The following SUCO variants were observed in gnomAD, a reference collection of about 807,000 sequenced individuals.
SUCO encodes the protein SUN domain-containing ossification factor.
SUCO carries 57 observed loss-of-function variants against 148.1 expected under a neutral mutation model. The observed-to-expected ratio is 0.38, with a 90% CI of 0.31 to 0.48. The LOEUF (loss-of-function observed/expected upper bound fraction) is 0.48, where lower values mean the gene tolerates loss of function less well. Among genes scored for constraint, SUCO ranks in the 20% least tolerant of loss-of-function variants. The probability of loss-of-function intolerance (pLI) is 0.96; values close to 1 mark genes in which losing one functional copy is unlikely to be tolerated. For missense variants in SUCO, 1,331 were observed against 1,468.2 expected (o/e 0.91, Z 1.53); for synonymous variants, 470 against 502.7 (o/e 0.93, Z 0.87).
Position 172,545,917 on chromosome 1 carries a change from C to CTTCCTTTCCT in SUCO, c.63-5576_63-5567dup, listed in dbSNP as rs762712987. Among the ~76,000 whole-genome samples the CTTCCTTTCCT allele has an allele frequency of 8.8e-4, 133 of 151,912 alleles. 1 individual carries two copies. Among genetic ancestry groups the CTTCCTTTCCT allele is most frequent in the African/African-American group, 3.0e-3 (126 of 41,392 alleles). On this transcript the variant is annotated intron_variant, in intron 1 of 23. Coordinates refer to ENST00000263688, the MANE Select transcript of SUCO (RefSeq NM_014283.5). Reference sequence around the variant, plus strand: ...CTGTCCGTCCGTCCGTCCTTCCTTCCTTCCTTTCCTTTCCTTTCCTTTCCT... The same window carrying CTTCCTTTCCT: ...CTGTCCGTCCGTCCGTCCTTCCTTCCTTCCTTTCCTTTCCTTTCCTTTCCTTTCCTTTCCT...
Position 172,600,110 on chromosome 1 carries a change from C to T in SUCO, c.2960C>T (p.Thr987Ile). ...EAIQLLQAQLTNMTQLVSNLS... is the reference protein window; with the variant it reads ...EAIQLLQAQLINMTQLVSNLS... ...ATCCAGTTGCTACAGGCACAGCTGA[C>T]CAACATGACACAGCTTGTTTCAAAT... Residue 987 changes from threonine to isoleucine, a missense_variant, in exon 20 of 24, where the codon ACC becomes ATC. Thr to Ile is a moderately conservative substitution (Grantham distance 89, BLOSUM62 -1). Coordinates refer to ENST00000263688, the MANE Select transcript of SUCO (RefSeq NM_014283.5). 1 of 1,610,756 alleles carries T rather than the reference C, an allele frequency of 6.2e-7. No homozygotes were observed. Among genetic ancestry groups the T allele is most frequent in the Non-Finnish European group, 8.5e-7 (1 of 1,179,406 alleles).
intron 15 of SUCO, among the ~76,000 whole-genome samples, chr1:172,583,040 CTG>C (rs1220641419): frequency 6.6e-6 from 1 of 152,050 alleles, no homozygotes; most frequent in Non-Finnish European, 1.5e-5. Flanking sequence ...AGTATATAAA[CTG>C]TTGATTGCAC....
At chr1:172,571,529 G>A (rs1053461161) in intron 9 of SUCO, among the ~76,000 whole-genome samples, 7 of 150,208 alleles carry the variant, frequency 4.7e-5, no homozygotes, top group Non-Finnish European at 8.9e-5. Context: ...CATCGTCTGG[G>A]ACGTGAGGAG....
chr1:172,555,958 C>G lies in SUCO; in HGVS notation c.378C>G (p.Asp126Glu). 6.2e-7 allele frequency: 1 copy of G among 1,613,446 alleles called. No individual in the cohort carries two copies. Among genetic ancestry groups the G allele is most frequent in the South Asian group, 1.1e-5 (1 of 91,022 alleles). ...AAGAGTCTTCCAATGCAGTTGTGGA[C>G]AGTGAAACTGTTGAAAATATTTCCA... The part of the protein sequence containing the change: ...LHEESSNAVV[D>E]SETVENISSS... Residue 126 changes from aspartate (D) to glutamate (E), a missense_variant, in exon 4 of 24, where the codon GAC (aspartate) becomes GAG (glutamate). Physicochemically the swap from Asp to Glu is conservative, Grantham distance 45. This residue lies in a region of SUCO where 992 missense variants were observed against 1,093.5 expected (regional missense o/e 0.91). Coordinates refer to ENST00000263688, the MANE Select transcript of SUCO (RefSeq NM_014283.5).
At chr1:172,588,701 A>G in intron 17 of SUCO, 59 bp from the exon 18 acceptor site, 13 of 1,303,766 alleles carry the variant, frequency 1.0e-5, no homozygotes, top group East Asian at 8.2e-5. Flanking sequence ...TTTCTTTAAC[A>G]TATTTCAACT....
chr1:172,581,501 C>G (rs1253944266), intron 15 of SUCO, among the ~76,000 whole-genome samples: 1 of 152,138 alleles, frequency 6.6e-6, no homozygotes, highest in Non-Finnish European at 1.5e-5. Flanking sequence ...CCTTCTGTAT[C>G]TGTGTCCTTC....
chr1:172,610,003 C>T lies in SUCO; in HGVS notation c.3509C>T (p.Ser1170Leu), dbSNP rs1307525856. ...CCATCTGAAGGAAGCTCAGAAACTTCATCACAGTCAGAAGAGTCCTATTTT... is the reference window on the plus strand; with the variant it reads ...CCATCTGAAGGAAGCTCAGAAACTTTATCACAGTCAGAAGAGTCCTATTTT... ...GPPSEGSSET[S>L]SQSEESYFCG... The change falls in exon 24 of 24, where the codon TCA (serine) becomes TTA (leucine). Residue 1170 changes from serine (S) to leucine (L), a missense_variant. Physicochemically the swap from Ser to Leu is moderately radical, Grantham distance 145 (BLOSUM62 -2). This residue lies in a region of SUCO where 334 missense variants were observed against 352.3 expected (regional missense o/e 0.95). Transcript: ENST00000263688. The T allele has an allele frequency of 1.2e-6, 2 of 1,613,970 alleles. No homozygotes were observed. The highest frequency in any genetic ancestry group is 3.3e-5 in the Admixed American group (2 of 60,006).
chr1:172,550,258 T>C (rs1653190034), intron 1 of SUCO, among the ~76,000 whole-genome samples: 1 of 152,032 alleles, frequency 6.6e-6, no homozygotes. Context: ...AAACTACCCC[T>C]ATATATTATT....
At chr1:172,575,992 C>G (rs1655407608) in intron 11 of SUCO, among the ~76,000 whole-genome samples, 2 of 151,868 alleles carry the variant, frequency 1.3e-5, no homozygotes, top group Admixed American at 1.3e-4. Context: ...TCTTGTTAGA[C>G]TCTGATTCTT....
At chr1:172,601,901 T>C in intron 20 of SUCO, 163 bp from the exon 21 acceptor site, 3 of 299,298 alleles carry the variant, frequency 1.0e-5, no homozygotes, top group Non-Finnish European at 1.5e-5. Context: ...ATTTTTTTTC[T>C]TTAATGTCAT....
rs1188258898 is a variant in SUCO, at chr1:172,555,930, A to G, written c.350A>G (p.His117Arg). The G allele has an allele frequency of 1.5e-5, 24 of 1,613,528 alleles. No homozygotes were observed. Among genetic ancestry groups the G allele is most frequent in the Middle Eastern group, 1.6e-4 (1 of 6,082 alleles). The change falls in exon 4 of 24, where the codon CAT (histidine) becomes CGT (arginine). Residue 117 changes from histidine (H) to arginine (R), a missense_variant. Physicochemically the swap from His to Arg is conservative, Grantham distance 29. Coordinates refer to ENST00000263688, the MANE Select transcript of SUCO (RefSeq NM_014283.5). The stretch of plus-strand genomic sequence containing the variant: ...GAGACACTCCCTACAGTTGATTTGC[A>G]TGAAGAGTCTTCCAATGCAGTTGTG... ...VVETLPTVDL[H>R]EESSNAVVDS... is the part of the protein sequence containing the mutation.
At chr1:172,574,050 G>A (rs1553274579) in intron 10 of SUCO, 52 bp downstream of exon 10, 56 of 1,144,446 alleles carry the variant, frequency 4.9e-5, no homozygotes, top group Non-Finnish European at 5.5e-5. Context: ...CTGAAAAAAA[G>A]AAAAACAAAA....
At position 172,548,844 on chromosome 1, in the gene SUCO, A is replaced by C. The variant is rs140966769; in HGVS notation, c.63-2668A>C. Among the ~76,000 whole-genome samples, 772 of 152,058 alleles carry C rather than the reference A, an allele frequency of 5.1e-3. 5 individuals are homozygous for C. The highest frequency in any genetic ancestry group is 0.027 in the Middle Eastern group (8 of 294). On this transcript the variant is annotated intron_variant, in intron 1 of 23. Coordinates refer to ENST00000263688, the MANE Select transcript of SUCO (RefSeq NM_014283.5). ...ATGTTTTAATTTATATGTGGTATAA[A>C]ATTCTGTATCTTTGAGCTTCTTACA...
upstream of SUCO, chr1:172,532,921 T>C: frequency 7.3e-7 from 1 of 1,366,230 alleles, no homozygotes. Context: ...TCCTGCGCTT[T>C]GTGGTCTCCT....
intron 1 of SUCO, chr1:172,544,059 C>A: frequency 2.5e-6 from 1 of 405,450 alleles, no homozygotes; most frequent in Non-Finnish European, 3.3e-6. Flanking sequence ...ACAAGTTTCT[C>A]AATACTTACA....
At chr1:172,602,033 T>C (rs372354345) in intron 20 of SUCO, 31 bp from the exon 21 acceptor site, 41 of 1,555,970 alleles carry the variant, frequency 2.6e-5, no homozygotes, top group African/African-American at 5.5e-5. Context: ...TGATTTCCTA[T>C]GATTATTATT....
chr1:172,578,219 T>C (rs1655601714), intron 13 of SUCO, 79 bp from the exon 14 acceptor site: 3 of 1,081,714 alleles, frequency 2.8e-6, no homozygotes, highest in Non-Finnish European at 4.2e-6. Context: ...CCAAAGTTGA[T>C]GTTTGTCATT....
In SUCO at chr1:172,579,232, A is replaced by G; in HGVS notation, c.1463A>G (p.Asp488Gly). The G allele has an allele frequency of 6.3e-7, 1 of 1,599,752 alleles. No homozygotes were observed. The highest frequency in any genetic ancestry group is 8.6e-7 in the Non-Finnish European group (1 of 1,168,792). ...CCACTGGATTATAATACTGGAGAGGATAAATCCTCAAAAAATCTTCTTGGT... is the reference window on the plus strand; with the variant it reads ...CCACTGGATTATAATACTGGAGAGGGTAAATCCTCAAAAAATCTTCTTGGT... ...DYPLDYNTGEDKSSKNLLGSA... is the reference protein window; with the variant it reads ...DYPLDYNTGEGKSSKNLLGSA... Residue 488 changes from aspartate (D) to glycine (G), a missense_variant, in exon 15 of 24, where the codon GAT becomes GGT. Asp to Gly is a moderately conservative substitution (Grantham distance 94). Transcript: ENST00000263688.
chr1:172,581,119 A>G (rs1655854058), intron 15 of SUCO, among the ~76,000 whole-genome samples: 1 of 152,052 alleles, frequency 6.6e-6, no homozygotes, highest in African/African-American at 2.4e-5. Flanking sequence ...ACAAAACAAA[A>G]CAAAACAAAA....
Sources: allele counts gnomAD v4.1 joint callset (sites outside exome capture counted in the v4.1 genomes callset), GRCh38; gene constraint gnomAD v4.1.1; regional missense constraint gnomAD v4.1.1; transcripts MANE v1.5; gene names NCBI Gene and HGNC (gene_info 2026-07-23, HGNC 2026-07-21).